Variants in CECR2 observed in about 807,000 individuals in gnomAD.
CECR2 encodes the protein chromatin remodeling regulator CECR2.
In CECR2, 30 loss-of-function variants were observed where a neutral mutation model predicts 154.5. The ratio of observed to expected loss-of-function variants is 0.19; its 90% CI spans 0.15 to 0.26. The LOEUF (loss-of-function observed/expected upper bound fraction) is 0.26, where lower values mean the gene tolerates loss of function less well. Among genes scored for constraint, CECR2 ranks in the 10% least tolerant of loss-of-function variants. The pLI is 1.00. For synonymous variants in CECR2, 725 were observed against 683.7 expected (o/e 1.06, Z -0.94); for missense variants, 1,743 against 1,829.3 (o/e 0.95, Z 0.86).
intron 1 of CECR2, among the ~76,000 whole-genome samples, chr22:17,421,570 C>A (rs867307662): frequency 2.1e-5 from 3 of 144,124 alleles, no homozygotes; most frequent in African/African-American, 5.2e-5. Flanking sequence ...AGCCGAGATC[C>A]CGCCACTGCA....
intron 7 of CECR2, among the ~76,000 whole-genome samples, chr22:17,507,272 C>T (rs971269958): frequency 7.9e-5 from 12 of 152,144 alleles, no homozygotes; most frequent in South Asian, 2.1e-4. Flanking sequence ...TCAAGACTTC[C>T]GCCGTCCTGG....
intron 2 of CECR2, among the ~76,000 whole-genome samples, chr22:17,495,292 G>A (rs2055603013): frequency 6.6e-6 from 1 of 152,090 alleles, no homozygotes; most frequent in South Asian, 2.1e-4. Context: ...TACGTGGCTG[G>A]GCACAGTGGC....
At chr22:17,505,780 T>C (rs909541031) in intron 7 of CECR2, among the ~76,000 whole-genome samples, 1 of 148,986 alleles carries the variant, frequency 6.7e-6, no homozygotes, top group African/African-American at 2.5e-5. Context: ...TCAAGTGATA[T>C]ACCGCCTCAG....
chr22:17,454,637 G>A (rs1161922017), intron 1 of CECR2, among the ~76,000 whole-genome samples: 2 of 151,838 alleles, frequency 1.3e-5, no homozygotes, highest in African/African-American at 4.8e-5. Context: ...AGCTGGGCAG[G>A]TCTGAGTCAG....
At chr22:17,474,119 T>A (rs1294838688) in intron 1 of CECR2, among the ~76,000 whole-genome samples, 5 of 152,164 alleles carry the variant, frequency 3.3e-5, no homozygotes, top group Admixed American at 3.3e-4. Flanking sequence ...CGTCACCTAT[T>A]CTTGGTTCTC....
chr22:17,481,342 CAAAA>C (rs10714119), intron 2 of CECR2, among the ~76,000 whole-genome samples: 3 of 73,778 alleles, frequency 4.1e-5, no homozygotes, highest in Admixed American at 1.5e-4. Context: ...GACTCTGTCT[CAAAA>C]AAAAAAAAAA....
Position 17,543,007 on chromosome 22 carries a change from AT to A in CECR2, c.2860+7del, listed in dbSNP as rs2056555429. On this transcript the variant is annotated splice_donor_5th_base_variant and intron_variant, in intron 16 of 18. Transcript: ENST00000262608. ...CAAGAGCCTGAGAATGACCAAGGTA[AT>A]TTACACTGTCACTTTGGGCTCTTTA... 3.8e-6 allele frequency: 6 copies of A among 1,594,516 alleles called. No individual in the cohort carries two copies. Among genetic ancestry groups the A allele is most frequent in the Non-Finnish European group, 5.1e-6 (6 of 1,169,218 alleles).
At chr22:17,502,939 T>TC (rs1277299127) in intron 5 of CECR2, 143 bp from the exon 6 acceptor site, 1 of 652,806 alleles carries the variant, frequency 1.5e-6, no homozygotes, top group East Asian at 2.8e-5. Flanking sequence ...TATTCAGCGT[T>TC]CCGCCTCCAA....
chr22:17,377,610 A>G (rs1179938356), intron 1 of CECR2, among the ~76,000 whole-genome samples: 1 of 152,146 alleles, frequency 6.6e-6, no homozygotes, highest in Non-Finnish European at 1.5e-5. Context: ...CAATAGCTAG[A>G]ACTCTGAATA....
intron 9 of CECR2, 44 bp downstream of exon 9, chr22:17,524,315 G>A (rs73159550): frequency 0.023 from 36,261 of 1,591,692 alleles, 555 homozygotes; most frequent in African/African-American, 0.066. Context: ...CATGTCTGTC[G>A]ACCAGCCGTC....
intron 1 of CECR2, among the ~76,000 whole-genome samples, chr22:17,413,382 T>G (rs1189940479): frequency 6.6e-6 from 1 of 152,210 alleles, no homozygotes; most frequent in East Asian, 1.9e-4. Flanking sequence ...TTTAATTGTT[T>G]TGAGGCACGT....
At chr22:17,540,352 G>A (rs1420578782) in intron 13 of CECR2, 60 bp from the exon 14 acceptor site, 13 of 1,396,576 alleles carry the variant, frequency 9.3e-6, no homozygotes, top group Middle Eastern at 2.0e-4. Flanking sequence ...ATAAACTATA[G>A]TTTCTATAAA....
chr22:17,488,396 T>G (rs2055463506), intron 2 of CECR2, among the ~76,000 whole-genome samples: 1 of 152,242 alleles, frequency 6.6e-6, no homozygotes, highest in Non-Finnish European at 1.5e-5. Flanking sequence ...GTCACTATCC[T>G]ACTGAAGAAA....
chr22:17,421,374 G>C (rs1402564893), intron 1 of CECR2, among the ~76,000 whole-genome samples: 2 of 152,046 alleles, frequency 1.3e-5, no homozygotes, highest in African/African-American at 4.8e-5. Context: ...CCAGCACTTT[G>C]GGAGGCCGAG....
At chr22:17,485,813 A>G (rs913494767) in intron 2 of CECR2, among the ~76,000 whole-genome samples, 13 of 152,284 alleles carry the variant, frequency 8.5e-5, no homozygotes, top group South Asian at 8.3e-4. Context: ...GAAATTTTTG[A>G]TATAGTTAGT....
intron 1 of CECR2, among the ~76,000 whole-genome samples, chr22:17,455,616 T>C (rs1244636498): frequency 6.6e-6 from 1 of 152,218 alleles, no homozygotes; most frequent in Admixed American, 6.5e-5. Context: ...CACTGTTTTT[T>C]GTTTTGTTTT....
At chr22:17,484,340 T>G (rs536906120) in intron 2 of CECR2, among the ~76,000 whole-genome samples, 2 of 152,256 alleles carry the variant, frequency 1.3e-5, no homozygotes, top group Non-Finnish European at 2.9e-5. Flanking sequence ...GTGTTACAGG[T>G]GCACACCCAC....
At chr22:17,458,365 G>C (rs921872382) in intron 1 of CECR2, among the ~76,000 whole-genome samples, 2 of 150,090 alleles carry the variant, frequency 1.3e-5, no homozygotes, top group East Asian at 2.0e-4. Context: ...AGTGAGCTGA[G>C]ATTGCACCAA....
chr22:17,423,361 G>A lies in CECR2; in HGVS notation c.126+53452G>A, dbSNP rs184533065. On this transcript the variant is annotated intron_variant, in intron 1 of 18. Transcript: ENST00000262608. Reference sequence around the variant, plus strand: ...TCTCTACTAAAAATACAAAAAATTAGTTGTGTGTGGTGGCACACGCCTATA... The same window carrying A: ...TCTCTACTAAAAATACAAAAAATTAATTGTGTGTGGTGGCACACGCCTATA... Among the ~76,000 whole-genome samples, 406 of 152,164 alleles carry A rather than the reference G, an allele frequency of 2.7e-3. 2 individuals are homozygous for A. The highest frequency in any genetic ancestry group is 0.01 in the Middle Eastern group (3 of 294).
Sources: gnomAD v4.1 joint callset for allele counts (sites outside exome capture counted in the v4.1 genomes callset) on GRCh38, gnomAD v4.1.1 for gene constraint, MANE v1.5 for transcripts, NCBI Gene and HGNC (gene_info 2026-07-23, HGNC 2026-07-21) for gene names.